SLC25A48: variants seen among roughly 807,000 people sequenced by gnomAD.
SLC25A48 encodes solute carrier family 25 member 48, also known as CTC-321K16.1.
In SLC25A48, 29 loss-of-function variants were observed where a neutral mutation model predicts 32.2. The ratio of observed to expected loss-of-function variants is 0.90; its 90% CI spans 0.67 to 1.23. The LOEUF (loss-of-function observed/expected upper bound fraction) is 1.23, where lower values mean the gene tolerates loss of function less well. Among genes scored for constraint, SLC25A48 ranks in the 50% most tolerant of loss-of-function variants. The pLI is 0.00. For missense variants in SLC25A48, 399 were observed against 422.7 expected, an observed-to-expected ratio of 0.94 and a Z score of 0.49; for synonymous variants, 164 against 172.3, an observed-to-expected ratio of 0.95 and a Z score of 0.38.
chr5:135,860,499 T>C (rs1171683708), intron 4 of SLC25A48, among the ~76,000 whole-genome samples: 1 of 152,226 alleles, frequency 6.6e-6, no homozygotes, highest in Non-Finnish European at 1.5e-5. Context: ...TTTATCGGAC[T>C]GTTGCCCTGT....
At chr5:135,769,677 C>T (rs1339214126) in intron 3 of SLC25A48, among the ~76,000 whole-genome samples, 1 of 151,174 alleles carries the variant, frequency 6.6e-6, no homozygotes, top group Non-Finnish European at 1.5e-5. Context: ...AGGGGTTGTA[C>T]ACCCCCATGT....
intron 1 of SLC25A48, among the ~76,000 whole-genome samples, chr5:135,617,692 C>CTTTAA (rs1352964420): frequency 2.0e-5 from 3 of 151,588 alleles, no homozygotes; most frequent in Non-Finnish European, 4.4e-5. Flanking sequence ...TAAATTTTCT[C>CTTTAA]TTTAATTTCT....
At chr5:135,774,481 A>G (rs1012866775) in intron 3 of SLC25A48, among the ~76,000 whole-genome samples, 1 of 151,638 alleles carries the variant, frequency 6.6e-6, no homozygotes, top group Non-Finnish European at 1.5e-5. Flanking sequence ...GGAGAGGATA[A>G]TATTACTCCC....
intron 3 of SLC25A48, among the ~76,000 whole-genome samples, chr5:135,706,943 T>A (rs1754526204): frequency 6.6e-6 from 1 of 152,226 alleles, no homozygotes; most frequent in Admixed American, 6.5e-5. Context: ...CAGCTACTTG[T>A]TGACCAAATA....
intron 4 of SLC25A48, among the ~76,000 whole-genome samples, chr5:135,818,625 T>C (rs1207357787): frequency 6.6e-6 from 1 of 152,170 alleles, no homozygotes; most frequent in African/African-American, 2.4e-5. Context: ...CTACAGAGGA[T>C]TATGTACCTG....
At chr5:135,770,769 G>A (rs1756386888) in intron 3 of SLC25A48, among the ~76,000 whole-genome samples, 1 of 151,766 alleles carries the variant, frequency 6.6e-6, no homozygotes, top group African/African-American at 2.4e-5. Flanking sequence ...CATAATGTGA[G>A]AGGTTGATAT....
chr5:135,718,016 T>A (rs1044058894), intron 3 of SLC25A48, among the ~76,000 whole-genome samples: 1 of 151,830 alleles, frequency 6.6e-6, no homozygotes, highest in Non-Finnish European at 1.5e-5. Context: ...CCTTTTTTGT[T>A]GTTGTTGTTG....
At chr5:135,632,356 T>C (rs1752595965) in intron 2 of SLC25A48, among the ~76,000 whole-genome samples, 1 of 152,150 alleles carries the variant, frequency 6.6e-6, no homozygotes, top group Admixed American at 6.5e-5. Flanking sequence ...AGGAGGTAGA[T>C]ATGTTTACCC....
Position 135,887,535 on chromosome 5 carries a change from C to T in SLC25A48, c.*8-497C>T, listed in dbSNP as rs187808575. ...ATATCCCTCGCCCAAAGGCTGATAC[C>T]CTGCAGAACCACCACTTGGTGGCAG... On this transcript the variant is annotated intron_variant, in intron 7 of 7. Coordinates refer to ENST00000681962, the MANE Select transcript of SLC25A48 (RefSeq NM_001349336.2). Among the ~76,000 whole-genome samples, 293 of 151,958 alleles carry T rather than the reference C, an allele frequency of 1.9e-3. 1 individual carries two copies. Among genetic ancestry groups the T allele is most frequent in the African/African-American group, 6.6e-3 (274 of 41,426 alleles).
At chr5:135,661,351 C>T (rs1753391884) in intron 3 of SLC25A48, among the ~76,000 whole-genome samples, 1 of 152,202 alleles carries the variant, frequency 6.6e-6, no homozygotes, top group Non-Finnish European at 1.5e-5. Flanking sequence ...GCTCTTATTA[C>T]ATCAGTGACA....
At position 135,679,519 on chromosome 5, in the gene SLC25A48, G is replaced by A. The variant is rs146506856; in HGVS notation, c.-521+44563G>A. ...GTAACCATATGCAGGTGGCTGATGA[G>A]CATGCACTTTGCTTACACTTCAGAC... On this transcript the variant is annotated intron_variant, in intron 3 of 10. Coordinates refer to the SLC25A48 transcript ENST00000646290. 2.6e-5 allele frequency among the ~76,000 whole-genome samples: 4 copies of A among 152,324 alleles called. No individual in the cohort carries two copies. In the East Asian group the frequency reaches 5.8e-4, roughly 22 times the overall value.
intron 3 of SLC25A48, among the ~76,000 whole-genome samples, chr5:135,684,728 C>T (rs1192522861): frequency 6.6e-6 from 1 of 152,192 alleles, no homozygotes; most frequent in African/African-American, 2.4e-5. Context: ...TTTCACTTTA[C>T]GGTAGATGTT....
At chr5:135,852,874 G>A in intron 4 of SLC25A48, 53 bp downstream of exon 4, 1 of 1,560,736 alleles carries the variant, frequency 6.4e-7, no homozygotes. Context: ...GCCCTTTCCT[G>A]GTTTGTGGGA....
At chr5:135,734,819 A>C (rs1755317197) in intron 3 of SLC25A48, among the ~76,000 whole-genome samples, 2 of 97,890 alleles carry the variant, frequency 2.0e-5, no homozygotes, top group African/African-American at 6.9e-5. Context: ...TGCATCTCAA[A>C]ACAAAAAAAA....
chr5:135,732,599 A>G (rs1755253579), intron 3 of SLC25A48, among the ~76,000 whole-genome samples: 1 of 152,174 alleles, frequency 6.6e-6, no homozygotes, highest in South Asian at 2.1e-4. Context: ...TTCCTTAAGG[A>G]TAGATTTCCA....
intron 1 of SLC25A48, among the ~76,000 whole-genome samples, chr5:135,591,954 A>G (rs1427058315): frequency 1.3e-5 from 2 of 151,988 alleles, no homozygotes. Flanking sequence ...CCTGCCCCCA[A>G]CTCTTCAGAG....
intron 1 of SLC25A48, among the ~76,000 whole-genome samples, chr5:135,591,321 G>A (rs60207353): frequency 0.033 from 5,072 of 152,304 alleles, 278 homozygotes; most frequent in African/African-American, 0.12. Context: ...GAAGTGTGGC[G>A]CATTTGTTCT....
intron 3 of SLC25A48, among the ~76,000 whole-genome samples, chr5:135,697,943 T>C (rs1358141684): frequency 6.6e-6 from 1 of 152,214 alleles, no homozygotes; most frequent in African/African-American, 2.4e-5. Context: ...GGCTTCCCAT[T>C]GCCTCTGACC....
In SLC25A48 at chr5:135,753,107, G is replaced by T. The variant is rs926286841; in HGVS notation, c.-520-59416G>T. Reference sequence around the variant, plus strand: ...TATGATATTAGCAATAATTGCTCAAGGATATATTATGCGTAATATCACAGG... The same window carrying T: ...TATGATATTAGCAATAATTGCTCAATGATATATTATGCGTAATATCACAGG... On this transcript the variant is annotated intron_variant, in intron 3 of 10. Coordinates refer to the SLC25A48 transcript ENST00000646290. Among the ~76,000 whole-genome samples, 26 of 152,148 alleles carry T rather than the reference G, an allele frequency of 1.7e-4. No individual in the cohort carries two copies. In the Middle Eastern group the frequency reaches 0.01, roughly 60 times the overall value.
Sources: allele counts gnomAD v4.1 joint callset (sites outside exome capture counted in the v4.1 genomes callset), GRCh38; gene constraint gnomAD v4.1.1; transcripts MANE v1.5; gene names NCBI Gene and HGNC (gene_info 2026-07-23, HGNC 2026-07-21).